UNC93B1: variants seen among roughly 807,000 people sequenced by gnomAD.
The protein encoded by UNC93B1 is protein unc-93 homolog B1.
Under a neutral mutation model 56.8 loss-of-function variants are expected in UNC93B1, and 33 were observed. That is an observed-to-expected ratio of 0.58 (90% CI 0.44 to 0.78). UNC93B1 has a LOEUF of 0.78. UNC93B1 is among the 30% of genes least tolerant of loss of function. The probability of loss-of-function intolerance (pLI) is 0.00; values close to 1 mark genes in which losing one functional copy is unlikely to be tolerated. For synonymous variants in UNC93B1, 334 were observed against 358.6 expected, an observed-to-expected ratio of 0.93 and a Z score of 0.77; for missense variants, 673 against 819.5, an observed-to-expected ratio of 0.82 and a Z score of 2.18.
At position 67,999,307 on chromosome 11, in the gene UNC93B1, T is replaced by C; in HGVS notation, c.555-2A>G. 6.2e-7 allele frequency: 1 copy of C among 1,611,640 alleles called. No individual in the cohort carries two copies. ...TACTCATGGTACTTCTGCGCCATCC[T>C]GGACCACAAAGGAGAGAAGGCTCTC... is the stretch of plus-strand genomic sequence containing the variant. On this transcript the variant is annotated splice_acceptor_variant, in intron 4 of 10. Coordinates refer to ENST00000227471, the MANE Select transcript of UNC93B1 (RefSeq NM_030930.4). LOFTEE classifies it high-confidence loss of function.
rs1590764771 is a variant in UNC93B1, at chr11:68,003,850, C to G, written c.97-52G>C. The G allele has an allele frequency of 7.4e-7, 1 of 1,350,562 alleles. No individual in the cohort carries two copies. The highest frequency in any genetic ancestry group is 9.5e-7 in the Non-Finnish European group (1 of 1,053,090). The allele number at this position is 1,350,562 out of a possible 1,614,324, so 83.7% of individuals were successfully genotyped here. ...CCGCGATCGCGCCCCGAACCCGTGT[C>G]CCCCGGTGCCCGCCGCCCCCCGGCC... On this transcript the variant is annotated intron_variant, in intron 1 of 10. Coordinates refer to ENST00000227471, the MANE Select transcript of UNC93B1 (RefSeq NM_030930.4). This position sits in a 1 kb window ranked among gnomAD's most constrained non-coding sequence, Gnocchi z 4.4.
intron 9 of UNC93B1, among the ~76,000 whole-genome samples, chr11:67,995,089 A>G (rs540421798): frequency 2.4e-4 from 36 of 152,288 alleles, no homozygotes; most frequent in Admixed American, 1.6e-3. Context: ...TATCTATGCC[A>G]TGGGTGTACA....
chr11:67,994,583 T>C (rs1473148514), intron 9 of UNC93B1, among the ~76,000 whole-genome samples: 1 of 152,014 alleles, frequency 6.6e-6, no homozygotes, highest in African/African-American at 2.4e-5. Flanking sequence ...CCGGAGGAGA[T>C]GGGATATGGA....
At chr11:67,999,946 T>A (rs1158768005) in intron 3 of UNC93B1, among the ~76,000 whole-genome samples, 1 of 152,222 alleles carries the variant, frequency 6.6e-6, no homozygotes, top group African/African-American at 2.4e-5. Context: ...GAGTGACCCA[T>A]GGGTGTAACC....
At chr11:67,994,683 G>A (rs1808226) in intron 9 of UNC93B1, among the ~76,000 whole-genome samples, 2 of 152,176 alleles carry the variant, frequency 1.3e-5, no homozygotes, top group East Asian at 1.9e-4. Flanking sequence ...GCTATCCTTG[G>A]GCAAAACGGC....
chr11:67,998,529 G>A (rs557414575), intron 5 of UNC93B1, 77 bp from the exon 6 acceptor site: 10 of 1,462,242 alleles, frequency 6.8e-6, no homozygotes, highest in South Asian at 2.3e-5. Flanking sequence ...CTGGGGAGGG[G>A]TCCAGGCACA....
At position 68,003,879 on chromosome 11, in the gene UNC93B1, C is replaced by T. The variant is rs1590764799; in HGVS notation, c.96+69G>A. On this transcript the variant is annotated intron_variant, in intron 1 of 10. Transcript: ENST00000227471. The surrounding 1 kb of genome is among the most constrained non-coding windows in gnomAD (Gnocchi z 4.4). ...CGGTGCCCGCCGCCCCCCGGCCCGC[C>T]CCGCCCCCGCCGGGGGGACCCTGGC... 1.6e-6 allele frequency: 2 copies of T among 1,289,346 alleles called. No homozygotes were observed. The highest frequency in any genetic ancestry group is 4.2e-5 in the Admixed American group (1 of 23,724). The allele number at this position is 1,289,346 out of a possible 1,614,324, so 79.9% of individuals were successfully genotyped here. A position where few individuals can be genotyped will look rare whatever the true frequency, so the allele number is the denominator to read the frequency against.
At chr11:68,002,151 G>A (rs1425704367) in intron 3 of UNC93B1, among the ~76,000 whole-genome samples, 4 of 144,154 alleles carry the variant, frequency 2.8e-5, no homozygotes, top group African/African-American at 1.0e-4. Flanking sequence ...AAAAAAAAAA[G>A]TAAGCAAGCA....
At chr11:67,996,048 AC>A (rs1318944966) in intron 8 of UNC93B1, 164 bp from the exon 9 acceptor site, 2 of 417,284 alleles carry the variant, frequency 4.8e-6, no homozygotes, top group Admixed American at 4.6e-5. Context: ...GGGGTGCCTC[AC>A]CCCCCTGCGA....
In UNC93B1 at chr11:67,993,906, C is replaced by T. The variant is rs1856890085; in HGVS notation, c.1364-112G>A. 8 of 775,702 alleles carry T rather than the reference C, an allele frequency of 1.0e-5. No homozygotes were observed. The East Asian group carries it at 1.6e-4, about 16-fold the overall frequency. 48.1% of individuals were successfully genotyped at this position (775,702 alleles called of 1,614,324 possible). On this transcript the variant is annotated intron_variant, in intron 9 of 10. Coordinates refer to ENST00000227471, the MANE Select transcript of UNC93B1 (RefSeq NM_030930.4). Reference sequence around the variant, plus strand: ...GCCCTGTATGGGTCCCAGCCCCGGACCAGAGAGCGCCTAGAAAGTGCTGTG... The same window carrying T: ...GCCCTGTATGGGTCCCAGCCCCGGATCAGAGAGCGCCTAGAAAGTGCTGTG...
chr11:67,999,466 G>C, intron 4 of UNC93B1, 53 bp downstream of exon 4: 2 of 1,545,074 alleles, frequency 1.3e-6, no homozygotes, highest in African/African-American at 1.4e-5. Flanking sequence ...TGGCAATAAA[G>C]TGGAGGCTTG....
At chr11:67,995,524 G>C in intron 9 of UNC93B1, 87 bp downstream of exon 9, 1 of 1,125,634 alleles carries the variant, frequency 8.9e-7, no homozygotes, top group South Asian at 1.7e-5. Flanking sequence ...CTGTCCCTGG[G>C]ATGTCTATGT....
chr11:67,991,831 C>T lies in UNC93B1; in HGVS notation c.1509G>A (p.Thr503=), dbSNP rs1321222279. Residue 503 remains threonine, a synonymous_variant, in exon 11 of 11, where the codon ACG becomes ACA. Transcript: ENST00000227471. ...MKAKLAVLLV[T]LVAAAVSYLR... ...GGTAGGAGACCGCGGCCGCCACCAGCGTCACCAGCAGCACCGCCAGCTTAG... is the reference window on the plus strand; with the variant it reads ...GGTAGGAGACCGCGGCCGCCACCAGTGTCACCAGCAGCACCGCCAGCTTAG... The T allele has an allele frequency of 6.4e-7, 1 of 1,567,878 alleles. No individual in the cohort carries two copies. Among genetic ancestry groups the T allele is most frequent in the Non-Finnish European group, 8.6e-7 (1 of 1,166,454 alleles).
chr11:68,002,936 G>A, intron 3 of UNC93B1, 86 bp downstream of exon 3: 5 of 1,463,262 alleles, frequency 3.4e-6, no homozygotes, highest in Non-Finnish European at 4.5e-6. Context: ...AAACACCCCG[G>A]CAGATGGACA....
rs1330076422 is a variant in UNC93B1 at position 67,991,614 on chromosome 11, C to G, written c.1726G>C (p.Ala576Pro). The change falls in exon 11 of 11, where the codon GCT becomes CCT. Residue 576 changes from alanine to proline, a missense_variant. Around this residue, in one of 3 missense-constraint regions of UNC93B1, gnomAD observed 80 missense variants for 85.3 expected, o/e 0.94. Coordinates refer to ENST00000227471, the MANE Select transcript of UNC93B1 (RefSeq NM_030930.4). ...GGGCAGGGCCGGCGGCCGAGTCCAG[C>G]GGGCTCGGGGCCAGGCCTGGGCCCT... ...PAGPRPGPEP[A>P]GLGRRPCPYE... 3.3e-5 allele frequency: 49 copies of G among 1,499,878 alleles called. No individual in the cohort carries two copies. The highest frequency in any genetic ancestry group is 4.0e-5 in the Non-Finnish European group (45 of 1,133,178). The allele number at this position is 1,499,878 out of a possible 1,614,324, so 92.9% of individuals were successfully genotyped here. A position where few individuals can be genotyped will look rare whatever the true frequency, so the allele number is the denominator to read the frequency against.
chr11:68,003,321 G>C lies in UNC93B1; in HGVS notation c.239-146C>G. The C allele has an allele frequency of 1.8e-6, 2 of 1,097,746 alleles. No homozygotes were observed. The highest frequency in any genetic ancestry group is 2.5e-6 in the Non-Finnish European group (2 of 804,006). 68.0% of individuals were successfully genotyped at this position (1,097,746 alleles called of 1,614,324 possible). A position where few individuals can be genotyped will look rare whatever the true frequency, so the allele number is the denominator to read the frequency against. ...GCCCCTCAGGACAGCGGGGTTCCCG[G>C]GCTGCGCCACGCCTTCTGCCAGCCC... On this transcript the variant is annotated intron_variant, in intron 2 of 10. Coordinates refer to ENST00000227471, the MANE Select transcript of UNC93B1 (RefSeq NM_030930.4). The surrounding 1 kb of genome is among the most constrained non-coding windows in gnomAD (Gnocchi z 4.4).
Position 67,991,531 on chromosome 11 carries a change from G to C in UNC93B1, c.*15C>G, listed in dbSNP as rs891269687. 7.1e-7 allele frequency: 1 copy of C among 1,401,004 alleles called. No individual in the cohort carries two copies. Among genetic ancestry groups the C allele is most frequent in the Non-Finnish European group, 9.2e-7 (1 of 1,084,020 alleles). 86.8% of individuals were successfully genotyped at this position (1,401,004 alleles called of 1,614,324 possible). On this transcript the variant is annotated 3_prime_UTR_variant, in exon 11 of 11. Coordinates refer to ENST00000227471, the MANE Select transcript of UNC93B1 (RefSeq NM_030930.4). ...CGGCGAGGAGGGAGGCTGAGTCCGG[G>C]GACCAGGCGGCCCCTCACTGCTCCT...
In UNC93B1 at chr11:68,003,016, G is replaced by A. The variant is rs1241623016; in HGVS notation, c.392+6C>T. 4.4e-6 allele frequency: 7 copies of A among 1,606,456 alleles called. No individual in the cohort carries two copies. The highest frequency in any genetic ancestry group is 3.3e-4 in the Middle Eastern group (2 of 6,032). ...CGCAGCATCCCACAGGAGCAGCCGC[G>A]CCCACCTGATGAGCACAGGTGTGTA... On this transcript the variant is annotated splice_donor_region_variant and intron_variant, in intron 3 of 10. Coordinates refer to ENST00000227471, the MANE Select transcript of UNC93B1 (RefSeq NM_030930.4). This position sits in a 1 kb window ranked among gnomAD's most constrained non-coding sequence, Gnocchi z 4.4.
At chr11:68,002,996 C>T (rs1476914925) in intron 3 of UNC93B1, 26 bp downstream of exon 3, 1 of 1,590,464 alleles carries the variant, frequency 6.3e-7, no homozygotes, top group Non-Finnish European at 8.6e-7. Flanking sequence ...AGTACCGCAG[C>T]ATCCCACAGG....
Sources: gnomAD v4.1 joint callset for allele counts (sites outside exome capture counted in the v4.1 genomes callset) on GRCh38, gnomAD v4.1.1 for gene constraint, gnomAD v4.1.1 regional missense constraint, Gnocchi (gnomAD v3.1) non-coding constraint, MANE v1.5 for transcripts, NCBI Gene and HGNC (gene_info 2026-07-23, HGNC 2026-07-21) for gene names.